MAS1: variants seen among roughly 807,000 people sequenced by gnomAD.
The protein encoded by MAS1 is MAS1 proto-oncogene, G protein-coupled receptor.
For missense variants in MAS1, 387 were observed against 409.7 expected (o/e 0.94, Z 0.48); for synonymous variants, 163 against 164.2 (o/e 0.99, Z 0.05).
chr6:159,897,034 C>A (rs183016782), intron 1 of MAS1, among the ~76,000 whole-genome samples: 1 of 152,100 alleles, frequency 6.6e-6, no homozygotes, highest in Non-Finnish European at 1.5e-5. Context: ...CCACCACGCC[C>A]GGCTAATTTT....
chr6:159,889,544 T>C (rs1002768550), upstream of MAS1, among the ~76,000 whole-genome samples: 1 of 152,198 alleles, frequency 6.6e-6, no homozygotes, highest in Non-Finnish European at 1.5e-5. Context: ...TAATCATGTT[T>C]TCTTCCGTGG....
At position 159,908,886 on chromosome 6, in the gene MAS1, C is replaced by T. The variant is rs544264437; in HGVS notation, c.*953C>T. ...CCTGGGGGTGACTGGGACCTTCCTC[C>T]CCCATGAAGAGGTGGGTTATTTGTA... On this transcript the variant is annotated 3_prime_UTR_variant, in exon 3 of 3. Coordinates refer to ENST00000674077, the MANE Select transcript of MAS1 (RefSeq NM_002377.4). The T allele has an allele frequency of 5.1e-4, 77 of 152,032 alleles. No homozygotes were observed. Among genetic ancestry groups the T allele is most frequent in the African/African-American group, 1.8e-3 (74 of 41,444 alleles). The allele number at this position is 152,032 out of a possible 1,614,324, so 9.4% of individuals were successfully genotyped here. A position where few individuals can be genotyped will look rare whatever the true frequency, so the allele number is the denominator to read the frequency against.
chr6:159,908,301 C>T lies in MAS1; in HGVS notation c.*368C>T, dbSNP rs1031566390. 2.5e-5 allele frequency: 4 copies of T among 162,346 alleles called. No individual in the cohort carries two copies. Among genetic ancestry groups the T allele is most frequent in the Admixed American group, 6.4e-5 (1 of 15,724 alleles). 10.1% of individuals were successfully genotyped at this position (162,346 alleles called of 1,614,324 possible). A position where few individuals can be genotyped will look rare whatever the true frequency, so the allele number is the denominator to read the frequency against. The stretch of plus-strand genomic sequence containing the variant: ...GAACAAGGGTCGCTTCCTGTGTGAC[C>T]TCAGGCAAGTTGTTAAACCTCTCAG... On this transcript the variant is annotated 3_prime_UTR_variant, in exon 3 of 3. Transcript: ENST00000674077.
At chr6:159,893,162 C>G (rs992806003) in intron 1 of MAS1, among the ~76,000 whole-genome samples, 11 of 152,250 alleles carry the variant, frequency 7.2e-5, no homozygotes, top group African/African-American at 2.7e-4. Flanking sequence ...TTAAGTCCTA[C>G]TTTCCACCAT....
At chr6:159,889,707 A>T (rs781428404), upstream of MAS1, among the ~76,000 whole-genome samples, 5 of 152,212 alleles carry the variant, frequency 3.3e-5, no homozygotes, top group Non-Finnish European at 7.3e-5. Context: ...AGAACCAGGT[A>T]ATGAGAACAC....
chr6:159,895,959 TAGC>T (rs1024951577), intron 1 of MAS1, among the ~76,000 whole-genome samples: 2 of 152,238 alleles, frequency 1.3e-5, no homozygotes, highest in Non-Finnish European at 1.5e-5. Flanking sequence ...TTTTTAAAAA[TAGC>T]GGTGAAAAAT....
At chr6:159,890,918 T>G (rs1782690676), upstream of MAS1, among the ~76,000 whole-genome samples, 1 of 152,246 alleles carries the variant, frequency 6.6e-6, no homozygotes, top group African/African-American at 2.4e-5. Flanking sequence ...CATTGGAAGC[T>G]TCTGCTGATA....
chr6:159,911,701 C>T lies in MAS1; in HGVS notation c.*3768C>T, dbSNP rs748706134. 5.9e-5 allele frequency: 9 copies of T among 152,244 alleles called. No individual in the cohort carries two copies. Among genetic ancestry groups the T allele is most frequent in the Non-Finnish European group, 1.2e-4 (8 of 68,156 alleles). 9.4% of individuals were successfully genotyped at this position (152,244 alleles called of 1,614,324 possible). On this transcript the variant is annotated 3_prime_UTR_variant, in exon 3 of 3. Coordinates refer to ENST00000674077, the MANE Select transcript of MAS1 (RefSeq NM_002377.4). ...TAACCGTGCCATACCTTTTCTTTCC[C>T]AGACTTTCCACATCTTTCCCTTCCT...
intron 2 of MAS1, among the ~76,000 whole-genome samples, chr6:159,906,207 C>A (rs1420223527): frequency 6.6e-6 from 1 of 152,188 alleles, no homozygotes; most frequent in Non-Finnish European, 1.5e-5. Context: ...CACCATCTGG[C>A]CTGTGGTCTG....
At chr6:159,900,022 G>T (rs192507031) in intron 2 of MAS1, among the ~76,000 whole-genome samples, 1 of 152,202 alleles carries the variant, frequency 6.6e-6, no homozygotes, top group Non-Finnish European at 1.5e-5. Context: ...GTCCAGCCTG[G>T]GCGATAGAAT....
rs1315278131 is a variant in MAS1, at chr6:159,916,917, A to T, written c.*8984A>T. 6.6e-6 allele frequency among the ~76,000 whole-genome samples: 1 copy of T among 152,286 alleles called. No homozygotes were observed. Among genetic ancestry groups the T allele is most frequent in the Non-Finnish European group, 1.5e-5 (1 of 68,050 alleles). On this transcript the variant is annotated 3_prime_UTR_variant, in exon 3 of 3. Coordinates refer to ENST00000674077, the MANE Select transcript of MAS1 (RefSeq NM_002377.4). ...AACAAATTCATTATGGACACTAAAAATTGAATTTCATGTAATTTTCATGTC... is the reference window on the plus strand; with the variant it reads ...AACAAATTCATTATGGACACTAAAATTTGAATTTCATGTAATTTTCATGTC...
chr6:159,907,276 A>G lies in MAS1; in HGVS notation c.321A>G (p.Thr107=). The G allele has an allele frequency of 6.2e-7, 1 of 1,614,174 alleles. No individual in the cohort carries two copies. Among genetic ancestry groups the G allele is most frequent in the Non-Finnish European group, 8.5e-7 (1 of 1,180,018 alleles). Residue 107 remains threonine (T), a synonymous_variant, in exon 3 of 3, where the codon ACA becomes ACG. Coordinates refer to ENST00000674077, the MANE Select transcript of MAS1 (RefSeq NM_002377.4). ...CTGGCCATTACTACACAATTGTCAC[A>G]TTATCAGTGACTTTTCTGTTTGGCT... ...LSSGHYYTIV[T]LSVTFLFGYN...
rs1225723688 is a variant in MAS1, at chr6:159,908,713, G to A, written c.*780G>A. On this transcript the variant is annotated 3_prime_UTR_variant, in exon 3 of 3. Coordinates refer to ENST00000674077, the MANE Select transcript of MAS1 (RefSeq NM_002377.4). ...GCCATGTGCTAGTGCATCATTTCAG[G>A]TTGTGAAGAAATACATTTGGCCACC... The A allele has an allele frequency of 6.6e-6, 1 of 152,098 alleles. No homozygotes were observed. The highest frequency in any genetic ancestry group is 1.5e-5 in the Non-Finnish European group (1 of 68,028). The allele number at this position is 152,098 out of a possible 1,614,324, so 9.4% of individuals were successfully genotyped here.
Position 159,900,333 on chromosome 6 carries a change from G to A in MAS1, c.-37+941G>A, listed in dbSNP as rs73588515. On this transcript the variant is annotated intron_variant, in intron 2 of 2. Coordinates refer to ENST00000674077, the MANE Select transcript of MAS1 (RefSeq NM_002377.4). ...ACACTTCCCAACCTCAAATATCCCCGTCAGTCATCCACCGACAGAGTTGAA... is the reference window on the plus strand; with the variant it reads ...ACACTTCCCAACCTCAAATATCCCCATCAGTCATCCACCGACAGAGTTGAA... Among the ~76,000 whole-genome samples the A allele has an allele frequency of 8.9e-4, 135 of 152,198 alleles. 1 individual carries two copies. Among genetic ancestry groups the A allele is most frequent in the African/African-American group, 2.9e-3 (121 of 41,508 alleles).
At chr6:159,890,868 G>A (rs1252780320), upstream of MAS1, among the ~76,000 whole-genome samples, 3 of 152,200 alleles carry the variant, frequency 2.0e-5, no homozygotes, top group Non-Finnish European at 4.4e-5. Context: ...GCTCTGGATT[G>A]GCGTGAAGAT....
intron 2 of MAS1, among the ~76,000 whole-genome samples, chr6:159,903,196 C>A (rs1300182065): frequency 6.6e-6 from 1 of 151,726 alleles, no homozygotes; most frequent in Non-Finnish European, 1.5e-5. Context: ...ACATCTGTTA[C>A]CTCCCTCATG....
intron 1 of MAS1, among the ~76,000 whole-genome samples, chr6:159,895,739 T>A (rs1444989005): frequency 6.6e-6 from 1 of 152,216 alleles, no homozygotes; most frequent in Admixed American, 6.5e-5. Context: ...AACATATATA[T>A]GCTGTGAAAA....
chr6:159,891,781 G>A (rs964241938), intron 1 of MAS1, among the ~76,000 whole-genome samples: 1 of 152,178 alleles, frequency 6.6e-6, no homozygotes, highest in African/African-American at 2.4e-5. Flanking sequence ...GGATACTTAG[G>A]AGTAATTTGG....
chr6:159,900,953 G>A (rs1300198108), intron 2 of MAS1, among the ~76,000 whole-genome samples: 1 of 152,174 alleles, frequency 6.6e-6, no homozygotes, highest in East Asian at 1.9e-4. Context: ...CTATGGACTG[G>A]GTGACTTACA....
Sources: allele counts gnomAD v4.1 joint callset (sites outside exome capture counted in the v4.1 genomes callset), GRCh38; gene constraint gnomAD v4.1.1; transcripts MANE v1.5; gene names NCBI Gene and HGNC (gene_info 2026-07-23, HGNC 2026-07-21).